The following PDSS2 variants were observed in gnomAD, a reference collection of about 807,000 sequenced individuals.
PDSS2 encodes the protein decaprenyl diphosphate synthase subunit 2, also known as all trans-polyprenyl-diphosphate synthase PDSS2.
Under a neutral mutation model 44.5 loss-of-function variants are expected in PDSS2, and 31 were observed. That is an observed-to-expected ratio of 0.70 (90% confidence interval 0.52 to 0.94). The LOEUF (loss-of-function observed/expected upper bound fraction) is 0.94. Among genes scored for constraint, PDSS2 ranks in the 40% least tolerant of loss-of-function variants. PDSS2 has a pLI of 0.00. For missense variants in PDSS2, 452 were observed against 482.2 expected, an observed-to-expected ratio of 0.94 and a Z score of 0.59; for synonymous variants, 157 against 180.3, an observed-to-expected ratio of 0.87 and a Z score of 1.03.
intron 7 of PDSS2, among the ~76,000 whole-genome samples, chr6:107,155,142 C>CTT (rs67631229): frequency 5.0e-5 from 7 of 140,546 alleles, no homozygotes; most frequent in South Asian, 2.3e-4. Context: ...ATATTCTTCC[C>CTT]TTTTTTTTTT....
chr6:107,269,668 G>C (rs1300139065), intron 3 of PDSS2, among the ~76,000 whole-genome samples: 1 of 152,048 alleles, frequency 6.6e-6, no homozygotes, highest in East Asian at 1.9e-4. Flanking sequence ...AGTAGTAGTA[G>C]TAGTATTTTT....
chr6:107,229,495 T>C (rs1379656688), intron 4 of PDSS2, among the ~76,000 whole-genome samples: 1 of 152,196 alleles, frequency 6.6e-6, no homozygotes, highest in African/African-American at 2.4e-5. Context: ...ACTTTTCCTA[T>C]TTCTAATCTA....
intron 1 of PDSS2, among the ~76,000 whole-genome samples, chr6:107,411,883 T>C (rs1171428648): frequency 0.028 from 1,204 of 43,094 alleles, 15 homozygotes; most frequent in Admixed American, 0.17. Context: ...CTTCTTCTTT[T>C]TTTTTTTTTT....
chr6:107,242,535 C>A (rs141115875), intron 4 of PDSS2, among the ~76,000 whole-genome samples: 2 of 151,484 alleles, frequency 1.3e-5, no homozygotes, highest in Non-Finnish European at 2.9e-5. Flanking sequence ...TGAGCCACCA[C>A]GCCTGGCCAA....
intron 1 of PDSS2, among the ~76,000 whole-genome samples, chr6:107,346,665 G>T (rs758880922): frequency 2.0e-5 from 3 of 152,076 alleles, no homozygotes; most frequent in African/African-American, 7.2e-5. Context: ...GAGAGACCTG[G>T]GGTCCAATTC....
chr6:107,159,997 C>T (rs1771064037), intron 7 of PDSS2, among the ~76,000 whole-genome samples: 1 of 152,080 alleles, frequency 6.6e-6, no homozygotes, highest in African/African-American at 2.4e-5. Context: ...GGGCGGATCA[C>T]TTGAGGTCAG....
At chr6:107,318,959 G>A (rs1206231465) in intron 2 of PDSS2, among the ~76,000 whole-genome samples, 1 of 151,936 alleles carries the variant, frequency 6.6e-6, no homozygotes, top group African/African-American at 2.4e-5. Flanking sequence ...TTGCACTCCA[G>A]CCTGGGTGAC....
chr6:107,450,363 G>C (rs879744390), intron 1 of PDSS2, among the ~76,000 whole-genome samples: 12 of 152,192 alleles, frequency 7.9e-5, no homozygotes, highest in Admixed American at 7.9e-4. Context: ...GTAGGGGGAA[G>C]AATGTTGAGG....
chr6:107,431,924 T>C (rs1235460545), intron 1 of PDSS2, among the ~76,000 whole-genome samples: 1 of 152,202 alleles, frequency 6.6e-6, no homozygotes, highest in African/African-American at 2.4e-5. Context: ...GAAATGGCAG[T>C]CTTGGAATTA....
chr6:107,338,478 C>T (rs1745844695), intron 1 of PDSS2, among the ~76,000 whole-genome samples: 1 of 152,178 alleles, frequency 6.6e-6, no homozygotes, highest in Admixed American at 6.5e-5. Flanking sequence ...TGATGAGGAG[C>T]ACTGTTAAGA....
chr6:107,318,443 T>C (rs559232467), intron 2 of PDSS2, among the ~76,000 whole-genome samples: 4 of 152,232 alleles, frequency 2.6e-5, no homozygotes, highest in African/African-American at 9.6e-5. Flanking sequence ...CAAATTGTTT[T>C]ATTCAATTTT....
intron 1 of PDSS2, among the ~76,000 whole-genome samples, chr6:107,402,503 T>TATATACGTATATACGTATAC (rs1462645617): frequency 4.8e-5 from 6 of 124,566 alleles, no homozygotes; most frequent in Non-Finnish European, 1.0e-4. Flanking sequence ...TATGTATACA[T>TATATACGTATATACGTATAC]ATATATACAC....
At chr6:107,186,609 G>A (rs953858948) in intron 7 of PDSS2, among the ~76,000 whole-genome samples, 6 of 151,776 alleles carry the variant, frequency 4.0e-5, no homozygotes, top group African/African-American at 1.5e-4. Flanking sequence ...CTCCTTTCGC[G>A]CCCCCCTACC....
intron 3 of PDSS2, among the ~76,000 whole-genome samples, chr6:107,266,366 A>G (rs1429255789): frequency 6.6e-6 from 1 of 151,388 alleles, no homozygotes; most frequent in East Asian, 1.9e-4. Context: ...GGTCTTTCAC[A>G]AAAAGTGAAC....
At position 107,429,612 on chromosome 6, in the gene PDSS2, C is replaced by T. The variant is rs73762218; in HGVS notation, c.296+29378G>A. Among the ~76,000 whole-genome samples the T allele has an allele frequency of 9.1e-3, 1,380 of 151,884 alleles. 22 individuals carry two copies. Among genetic ancestry groups the T allele is most frequent in the African/African-American group, 0.032 (1,306 of 41,456 alleles). ...GAATATACTAAACCTAGGGTGGGCGCGGTGGCTCACACCTGTAATCTCTGC... is the reference window on the plus strand; with the variant it reads ...GAATATACTAAACCTAGGGTGGGCGTGGTGGCTCACACCTGTAATCTCTGC... On this transcript the variant is annotated intron_variant, in intron 1 of 7. Transcript: ENST00000369037.
intron 4 of PDSS2, among the ~76,000 whole-genome samples, chr6:107,212,803 C>T (rs1437472408): frequency 6.9e-6 from 1 of 144,876 alleles, no homozygotes; most frequent in Non-Finnish European, 1.5e-5. Context: ...GCCAGGAGTT[C>T]GAGACCAGCC....
At chr6:107,229,060 A>G (rs1176050775) in intron 4 of PDSS2, among the ~76,000 whole-genome samples, 1 of 152,232 alleles carries the variant, frequency 6.6e-6, no homozygotes, top group Non-Finnish European at 1.5e-5. Context: ...CTGCTTTTAC[A>G]CAGCACTCAT....
chr6:107,297,775 T>C (rs938421076), intron 2 of PDSS2, among the ~76,000 whole-genome samples: 1 of 151,916 alleles, frequency 6.6e-6, no homozygotes, highest in Non-Finnish European at 1.5e-5. Flanking sequence ...TGACAGAGTC[T>C]CACTCTGTTG....
intron 1 of PDSS2, among the ~76,000 whole-genome samples, chr6:107,452,152 C>G (rs1204841711): frequency 6.6e-6 from 1 of 152,040 alleles, no homozygotes; most frequent in Non-Finnish European, 1.5e-5. Flanking sequence ...CCTCTGTTTC[C>G]CTAGTAGCTG....
Sources: gnomAD v4.1 joint callset for allele counts (sites outside exome capture counted in the v4.1 genomes callset) on GRCh38, gnomAD v4.1.1 for gene constraint, MANE v1.5 for transcripts, NCBI Gene and HGNC (gene_info 2026-07-23, HGNC 2026-07-21) for gene names.